Variants in NBAS observed in about 807,000 individuals in gnomAD.
NBAS encodes the protein NBAS subunit of NRZ tethering complex.
A neutral mutation model predicts 302.5 loss-of-function variants in NBAS; 219 were observed. The observed-to-expected ratio is 0.72, with a 90% confidence interval of 0.65 to 0.81. The LOEUF (loss-of-function observed/expected upper bound fraction) is 0.81, where lower values mean the gene tolerates loss of function less well. Ranked by LOEUF, NBAS falls within the 30% of genes least tolerant of loss-of-function variation. The probability of loss-of-function intolerance (pLI) is 0.00; values close to 1 mark genes in which losing one functional copy is unlikely to be tolerated. For missense variants in NBAS, 2,932 were observed against 2,841.6 expected (o/e 1.03, Z -0.72); for synonymous variants, 1,118 against 1,021.6 (o/e 1.09, Z -1.80).
intron 40 of NBAS, among the ~76,000 whole-genome samples, chr2:15,305,066 T>C (rs899650248): frequency 6.6e-6 from 1 of 152,156 alleles, no homozygotes; most frequent in Non-Finnish European, 1.5e-5. Context: ...AAAGCATGAC[T>C]GGTTTTGAAA....
chr2:14,869,032 T>A, the NBAS span, among the ~76,000 whole-genome samples: 7 of 152,110 alleles, frequency 4.6e-5, no homozygotes, highest in African/African-American at 1.7e-4. Flanking sequence ...GAGAATGAAG[T>A]CAACTCACAG....
chr2:15,138,572 G>A, the NBAS span, among the ~76,000 whole-genome samples: 5 of 152,094 alleles, frequency 3.3e-5, no homozygotes, highest in Non-Finnish European at 5.9e-5. Context: ...GGACCTGGAG[G>A]CCAACTCCTG....
intron 44 of NBAS, among the ~76,000 whole-genome samples, chr2:15,255,321 TG>T (rs1668545613): frequency 6.6e-6 from 1 of 152,240 alleles, no homozygotes; most frequent in African/African-American, 2.4e-5. Flanking sequence ...TAATTAGTGA[TG>T]TTGAACATTT....
At chr2:15,319,245 A>G (rs1558530506) in intron 38 of NBAS, among the ~76,000 whole-genome samples, 1 of 152,236 alleles carries the variant, frequency 6.6e-6, no homozygotes, top group African/African-American at 2.4e-5. Context: ...ACACATTTAA[A>G]GCAGTGTGTA....
chr2:14,835,021 G>C, the NBAS span, among the ~76,000 whole-genome samples: 3 of 152,156 alleles, frequency 2.0e-5, no homozygotes, highest in South Asian at 6.2e-4. Context: ...AGACATTAAG[G>C]GATAAAATCA....
chr2:15,007,835 G>A, the NBAS span, among the ~76,000 whole-genome samples: 2 of 152,192 alleles, frequency 1.3e-5, no homozygotes, highest in Non-Finnish European at 2.9e-5. Context: ...TCAAATCCCA[G>A]CTCCACAATT....
intron 39 of NBAS, 29 bp from the exon 40 acceptor site, chr2:15,308,382 A>T: frequency 6.2e-7 from 1 of 1,611,528 alleles, no homozygotes; most frequent in Middle Eastern, 1.7e-4. Flanking sequence ...GAATTAACTC[A>T]GCTGAAAGGA....
Position 15,511,344 on chromosome 2 carries a change from TA to T in NBAS, c.752del (p.Leu251TyrfsTer11). 6.2e-7 allele frequency: 1 copy of T among 1,613,638 alleles called. No individual in the cohort carries two copies. Among genetic ancestry groups the T allele is most frequent in the Non-Finnish European group, 8.5e-7 (1 of 1,179,846 alleles). On this transcript the variant is annotated frameshift_variant, in exon 10 of 52. Coordinates refer to ENST00000281513, the MANE Select transcript of NBAS (RefSeq NM_015909.4). LOFTEE classifies it high-confidence loss of function. ...TAIYHPGHRL[L>X]LVGGCETAEV... ...CAGCAGTTTCACATCCACCAACAAG[TA>T]AAAGTCTAAAAAGGAGAAAATTTTT...
chr2:15,481,089 G>T (rs1680408866), intron 12 of NBAS, among the ~76,000 whole-genome samples: 1 of 152,152 alleles, frequency 6.6e-6, no homozygotes, highest in Admixed American at 6.5e-5. Flanking sequence ...GTGACCTTTT[G>T]TGTCTAGCAT....
At chr2:15,005,058 A>G in the NBAS span, among the ~76,000 whole-genome samples, 2 of 152,182 alleles carry the variant, frequency 1.3e-5, no homozygotes, top group Non-Finnish European at 2.9e-5. Context: ...GAATTTTGGC[A>G]AGTCTAAGTT....
the NBAS span, among the ~76,000 whole-genome samples, chr2:14,951,129 C>A: frequency 6.6e-6 from 1 of 152,182 alleles, no homozygotes; most frequent in East Asian, 1.9e-4. Flanking sequence ...TACCACTTTG[C>A]CTCCATCAGC....
At chr2:15,357,228 C>T (rs1673663422) in intron 32 of NBAS, among the ~76,000 whole-genome samples, 1 of 152,182 alleles carries the variant, frequency 6.6e-6, no homozygotes, top group Admixed American at 6.5e-5. Context: ...AAACCCAACT[C>T]AATGGAAACA....
intron 23 of NBAS, 59 bp from the exon 24 acceptor site, chr2:15,417,771 A>T (rs1319866373): frequency 6.7e-7 from 1 of 1,498,480 alleles, no homozygotes; most frequent in Non-Finnish European, 9.2e-7. Context: ...TCTATTCTAA[A>T]GTAAAAGTCT....
chr2:15,305,273 G>T (rs568746962), intron 40 of NBAS, among the ~76,000 whole-genome samples: 1 of 151,822 alleles, frequency 6.6e-6, no homozygotes, highest in Non-Finnish European at 1.5e-5. Flanking sequence ...TTTTATAAGG[G>T]GCTCTTCCCG....
At chr2:14,814,605 G>A in the NBAS span, among the ~76,000 whole-genome samples, 1 of 152,336 alleles carries the variant, frequency 6.6e-6, no homozygotes, top group African/African-American at 2.4e-5. Context: ...TTGTATCTTG[G>A]AGGTAACTAA....
At chr2:14,959,635 G>A in the NBAS span, among the ~76,000 whole-genome samples, 12 of 152,050 alleles carry the variant, frequency 7.9e-5, no homozygotes, top group Admixed American at 1.3e-4. Context: ...CTTATACATC[G>A]GTCACATTGA....
intron 37 of NBAS, 38 bp downstream of exon 37, chr2:15,328,161 G>T: frequency 6.4e-7 from 1 of 1,571,560 alleles, no homozygotes; most frequent in Non-Finnish European, 8.8e-7. Flanking sequence ...ACAACAGCAT[G>T]ACAGTTAAAT....
At chr2:15,035,982 T>C in the NBAS span, among the ~76,000 whole-genome samples, 1 of 141,786 alleles carries the variant, frequency 7.1e-6, no homozygotes, top group African/African-American at 2.7e-5. Context: ...AACCTGCACC[T>C]AGTGCACATG....
intron 15 of NBAS, 50 bp from the exon 16 acceptor site, chr2:15,473,397 C>T (rs2148584013): frequency 6.2e-7 from 1 of 1,604,562 alleles, no homozygotes; most frequent in Non-Finnish European, 8.5e-7. Context: ...GAATTATCCA[C>T]AGGGTCCTGA....
Sources: allele counts gnomAD v4.1 joint callset (sites outside exome capture counted in the v4.1 genomes callset), GRCh38; gene constraint gnomAD v4.1.1; transcripts MANE v1.5; gene names NCBI Gene and HGNC (gene_info 2026-07-23, HGNC 2026-07-21).